The following PTPRT variants were observed in gnomAD, a reference collection of about 807,000 sequenced individuals.
PTPRT encodes receptor-type tyrosine-protein phosphatase T.
A neutral mutation model predicts 176.8 loss-of-function variants in PTPRT; 56 were observed. That is an observed-to-expected ratio of 0.32 (90% CI 0.26 to 0.40). PTPRT has a LOEUF of 0.40. Among genes scored for constraint, PTPRT ranks in the 10% least tolerant of loss-of-function variants. PTPRT has a pLI of 1.00. For missense variants in PTPRT, 1,540 were observed against 1,908.2 expected (o/e 0.81, Z 3.60); for synonymous variants, 783 against 739.0 (o/e 1.06, Z -0.96).
intron 1 of PTPRT, among the ~76,000 whole-genome samples, chr20:43,185,892 A>T (rs2015377678): frequency 6.6e-6 from 1 of 152,062 alleles, no homozygotes; most frequent in Non-Finnish European, 1.5e-5. Context: ...AGACTGCACC[A>T]CTGCACTCCA....
chr20:42,804,351 C>T (rs903226561), intron 2 of PTPRT, among the ~76,000 whole-genome samples: 26 of 152,092 alleles, frequency 1.7e-4, no homozygotes, highest in Admixed American at 1.3e-4. Context: ...CAATGCAGAC[C>T]CCAACCATCT....
chr20:42,160,267 A>G (rs1256265250), intron 17 of PTPRT, among the ~76,000 whole-genome samples: 1 of 152,318 alleles, frequency 6.6e-6, no homozygotes, highest in African/African-American at 2.4e-5. Context: ...AAAGTGAAGA[A>G]AGAAATTCTT....
chr20:42,300,052 G>GT (rs1417275674), intron 12 of PTPRT, among the ~76,000 whole-genome samples: 1 of 148,454 alleles, frequency 6.7e-6, no homozygotes, highest in East Asian at 2.2e-4. Context: ...GAGGTCAGGT[G>GT]TTTGAGACCA....
At position 42,141,930 on chromosome 20, in the gene PTPRT, C is replaced by T. The variant is rs1468460412; in HGVS notation, c.2755G>A (p.Gly919Arg). ...EDENRNKNRYGNIISYDHSRV... is the reference protein window; with the variant it reads ...EDENRNKNRYRNIISYDHSRV... ...GGGCACCTACAGGATATGATGTTCC[C>T]ATATCGATTCTTATTGCGGTTTTCA... The change falls in exon 18 of 31, where the codon GGG becomes AGG. Residue 919 changes from glycine (G) to arginine (R), a missense_variant. Gly to Arg is a moderately radical substitution (Grantham distance 125). Coordinates refer to ENST00000373187, the MANE Select transcript of PTPRT (RefSeq NM_007050.6). The T allele has an allele frequency of 1.9e-6, 3 of 1,613,958 alleles. No individual in the cohort carries two copies. The highest frequency in any genetic ancestry group is 1.3e-5 in the African/African-American group (1 of 74,926).
intron 1 of PTPRT, among the ~76,000 whole-genome samples, chr20:42,911,218 T>C (rs138025928): frequency 5.3e-4 from 80 of 152,298 alleles, no homozygotes; most frequent in African/African-American, 1.7e-3. Flanking sequence ...ATGCTTTGTG[T>C]GTCTTAGTAC....
intron 1 of PTPRT, among the ~76,000 whole-genome samples, chr20:43,149,484 T>A (rs2014274075): frequency 6.6e-6 from 1 of 152,098 alleles, no homozygotes; most frequent in Non-Finnish European, 1.5e-5. Context: ...TAGGAGGAAA[T>A]AACACCTCAA....
intron 7 of PTPRT, among the ~76,000 whole-genome samples, chr20:42,550,998 G>A (rs951630815): frequency 6.6e-6 from 1 of 151,992 alleles, no homozygotes; most frequent in Admixed American, 6.6e-5. Context: ...TGTATAACTG[G>A]GTAATGTACT....
At chr20:42,506,880 G>C (rs1453049082) in intron 7 of PTPRT, among the ~76,000 whole-genome samples, 4 of 152,108 alleles carry the variant, frequency 2.6e-5, no homozygotes, top group Non-Finnish European at 5.9e-5. Flanking sequence ...GGCTATGCCT[G>C]TGCCCTGTCC....
In PTPRT at chr20:42,366,240, C is replaced by A. The variant is rs568023981; in HGVS notation, c.1561-13955G>T. ...CAGGTCCCCTGACACCCAAACCAAG[C>A]CTCTCTTCCCTCCCCTGAGTGCCCA... is the stretch of plus-strand genomic sequence containing the variant. On this transcript the variant is annotated intron_variant, in intron 9 of 30. Coordinates refer to ENST00000373187, the MANE Select transcript of PTPRT (RefSeq NM_007050.6). Among the ~76,000 whole-genome samples, 99 of 152,358 alleles carry A rather than the reference C, an allele frequency of 6.5e-4. 2 individuals are homozygous for A. The South Asian group carries it at 0.02, about 31-fold the overall frequency.
At chr20:42,422,992 G>A (rs151106887) in intron 9 of PTPRT, among the ~76,000 whole-genome samples, 6 of 152,062 alleles carry the variant, frequency 3.9e-5, no homozygotes, top group South Asian at 2.1e-4. Flanking sequence ...GGAGCTAAAC[G>A]ATGAAAACAC....
intron 1 of PTPRT, among the ~76,000 whole-genome samples, chr20:43,102,553 A>G (rs931104013): frequency 6.6e-6 from 1 of 152,178 alleles, no homozygotes; most frequent in Non-Finnish European, 1.5e-5. Context: ...GGTGCTCCCC[A>G]AAGCCTAGCG....
At chr20:43,143,756 C>T (rs1322242322) in intron 1 of PTPRT, among the ~76,000 whole-genome samples, 1 of 152,112 alleles carries the variant, frequency 6.6e-6, no homozygotes, top group Admixed American at 6.5e-5. Flanking sequence ...CAGAAAGAGG[C>T]AGACAGACAG....
chr20:42,496,266 C>T (rs78235209), intron 7 of PTPRT, among the ~76,000 whole-genome samples: 187 of 152,118 alleles, frequency 1.2e-3, no homozygotes, highest in African/African-American at 4.3e-3. Flanking sequence ...GGCAGGCATA[C>T]CCCATGTAAC....
chr20:42,094,973 C>CAAAG (rs1985047348), intron 27 of PTPRT, among the ~76,000 whole-genome samples: 4 of 152,306 alleles, frequency 2.6e-5, no homozygotes, highest in Admixed American at 2.0e-4. Context: ...TCAAGTGATC[C>CAAAG]TGCTTCCTTG....
intron 7 of PTPRT, among the ~76,000 whole-genome samples, chr20:42,499,958 A>T (rs921321663): frequency 1.3e-5 from 2 of 152,166 alleles, no homozygotes; most frequent in Non-Finnish European, 2.9e-5. Flanking sequence ...CCATTGTATG[A>T]CTATATCACA....
chr20:42,064,615 T>C, the PTPRT span, among the ~76,000 whole-genome samples: 1 of 152,362 alleles, frequency 6.6e-6, no homozygotes, highest in Non-Finnish European at 1.5e-5. Flanking sequence ...TTTATTTATT[T>C]TGCATACTTA....
At chr20:42,492,590 T>C (rs191512413) in intron 7 of PTPRT, among the ~76,000 whole-genome samples, 27 of 152,354 alleles carry the variant, frequency 1.8e-4, no homozygotes, top group African/African-American at 6.3e-4. Flanking sequence ...TATAGACTTG[T>C]TCTGCTTTCA....
Position 42,771,494 on chromosome 20 carries a change from C to T in PTPRT, c.625G>A (p.Ala209Thr). The part of the protein sequence containing the change: ...QNVEVNVGQN[A>T]TFQCIAGGKW... ...CCACCAGCAATGCACTGAAATGTGG[C>T]ATTCTGCCCCACATTCACCTCCACG... The change falls in exon 5 of 31, where the codon GCC becomes ACC. Residue 209 changes from alanine to threonine, a missense_variant. By Grantham distance (58) the Ala-to-Thr change is moderately conservative. Around this residue, in one of 11 missense-constraint regions of PTPRT, gnomAD observed 273 missense variants for 432.1 expected, o/e 0.63. Transcript: ENST00000373187. 1.9e-6 allele frequency: 3 copies of T among 1,614,162 alleles called. No individual in the cohort carries two copies. Among genetic ancestry groups the T allele is most frequent in the South Asian group, 2.2e-5 (2 of 91,080 alleles).
chr20:42,142,009 A>T lies in PTPRT; in HGVS notation c.2683-7T>A, dbSNP rs1568965888. 6.2e-7 allele frequency: 1 copy of T among 1,613,370 alleles called. No individual in the cohort carries two copies. The highest frequency in any genetic ancestry group is 8.5e-7 in the Non-Finnish European group (1 of 1,179,310). Reference sequence around the variant, plus strand: ...TCTGCCCCTCTGGTAAGGCCTAAAAAGCAAGGACAGAGTGGTTAGAGTGGC... The same window carrying T: ...TCTGCCCCTCTGGTAAGGCCTAAAATGCAAGGACAGAGTGGTTAGAGTGGC... On this transcript the variant is annotated splice_region_variant and splice_polypyrimidine_tract_variant and intron_variant, in intron 17 of 30. Transcript: ENST00000373187.
Sources: gnomAD v4.1 joint callset for allele counts (sites outside exome capture counted in the v4.1 genomes callset) on GRCh38, gnomAD v4.1.1 for gene constraint, gnomAD v4.1.1 regional missense constraint, MANE v1.5 for transcripts, NCBI Gene and HGNC (gene_info 2026-07-23, HGNC 2026-07-21) for gene names.